The following MACF1 variants were observed in gnomAD, a reference collection of about 807,000 sequenced individuals.
MACF1 encodes the protein microtubule-actin cross-linking factor 1.
A neutral mutation model predicts 854.8 loss-of-function variants in MACF1; 193 were observed. The ratio of observed to expected loss-of-function variants is 0.23; its 90% CI spans 0.20 to 0.25. The LOEUF (loss-of-function observed/expected upper bound fraction) is 0.25. Ranked by LOEUF, MACF1 falls within the 10% of genes least tolerant of loss-of-function variation. The probability of loss-of-function intolerance (pLI) is 1.00; values close to 1 mark genes in which losing one functional copy is unlikely to be tolerated. For missense variants in MACF1, 7,722 were observed against 8,929.1 expected (o/e 0.86, Z 5.45); for synonymous variants, 3,185 against 3,226.7 (o/e 0.99, Z 0.44).
At position 39,361,695 on chromosome 1, in the gene MACF1, A is replaced by G. The variant is rs761512723; in HGVS notation, c.12771+18A>G. 2 of 1,611,744 alleles carry G rather than the reference A, an allele frequency of 1.2e-6. No homozygotes were observed. Among genetic ancestry groups the G allele is most frequent in the Non-Finnish European group, 1.7e-6 (2 of 1,178,310 alleles). ...AGATCCAGGTGAGGATATATCTGCCATGTTAGCAGAATAAAGGGAAGAGAA... is the reference window on the plus strand; with the variant it reads ...AGATCCAGGTGAGGATATATCTGCCGTGTTAGCAGAATAAAGGGAAGAGAA... On this transcript the variant is annotated intron_variant, in intron 49 of 100. Transcript: ENST00000564288.
intron 2 of MACF1, among the ~76,000 whole-genome samples, chr1:39,102,095 G>C (rs1642096516): frequency 1.3e-5 from 2 of 151,116 alleles, no homozygotes; most frequent in South Asian, 4.2e-4. Context: ...AGAATGGCGT[G>C]AACCCCGGGG....
In MACF1 at chr1:39,336,203, A is replaced by G. The variant is rs150737592; in HGVS notation, c.9615A>G (p.Ser3205=). ...AAGAAGTCAGGTATCTAGAATTCTC[A>G]GACAGAAAAGACCTTCATCATCAGG... ...DSKEVRYLEF[S]DRKDLHHQGS... The change falls in exon 37 of 101, where the codon TCA becomes TCG. Residue 3205 remains serine (S), a synonymous_variant. Transcript: ENST00000564288. 1.3e-4 allele frequency: 212 copies of G among 1,613,974 alleles called. No individual in the cohort carries two copies. Among genetic ancestry groups the G allele is most frequent in the Non-Finnish European group, 1.7e-4 (197 of 1,179,988 alleles).
Position 39,485,713 on chromosome 1 carries a change from G to T in MACF1, c.22587G>T (p.Gly7529=). ...AAGGQGNSRR[G]LNKPSKIPTM... Reference sequence around the variant, plus strand: ...GGGGCCAAGGCAACTCCAGGAGAGGGCTAAACAAACCTTCCAAAATCCCAA... The same window carrying T: ...GGGGCCAAGGCAACTCCAGGAGAGGTCTAAACAAACCTTCCAAAATCCCAA... The change falls in exon 101 of 101, where the codon GGG becomes GGT. Residue 7529 remains glycine (G), a synonymous_variant. Coordinates refer to ENST00000564288, the MANE Select transcript of MACF1 (RefSeq NM_001394062.1). 1.2e-6 allele frequency: 2 copies of T among 1,613,920 alleles called. No homozygotes were observed.
chr1:39,392,673 T>G (rs1642080505), intron 58 of MACF1, among the ~76,000 whole-genome samples: 1 of 152,196 alleles, frequency 6.6e-6, no homozygotes, highest in South Asian at 2.1e-4. Flanking sequence ...CAGTCTTACT[T>G]GGGACTGTAC....
chr1:39,315,417 G>A (rs1489006387), intron 26 of MACF1, 96 bp from the exon 27 acceptor site: 3 of 1,076,030 alleles, frequency 2.8e-6, no homozygotes, highest in Non-Finnish European at 4.1e-6. Context: ...GGGCATTTAG[G>A]TGGTTTCCAA....
intron 89 of MACF1, among the ~76,000 whole-genome samples, chr1:39,456,535 T>C (rs28572328): frequency 6.6e-6 from 1 of 152,226 alleles, no homozygotes; most frequent in Admixed American, 6.5e-5. Flanking sequence ...AGCTTAACGA[T>C]GGGTTTGCCA....
chr1:39,395,866 G>C (rs1316070109), intron 58 of MACF1, among the ~76,000 whole-genome samples: 1 of 152,162 alleles, frequency 6.6e-6, no homozygotes, highest in Non-Finnish European at 1.5e-5. Context: ...ATTGCCAGTT[G>C]TATTTTAAAT....
intron 2 of MACF1, among the ~76,000 whole-genome samples, chr1:39,115,245 C>G (rs1404925130): frequency 6.6e-6 from 1 of 152,044 alleles, no homozygotes; most frequent in African/African-American, 2.4e-5. Context: ...TAGTGGCAGA[C>G]AAGTTAGGAA....
intron 20 of MACF1, 35 bp downstream of exon 20, chr1:39,295,917 C>T (rs1248899996): frequency 6.5e-7 from 1 of 1,547,480 alleles, no homozygotes; most frequent in South Asian, 1.2e-5. Context: ...TGTGTGTGTA[C>T]ATATGTATGT....
rs1641626956 is a variant in MACF1 at position 39,084,777 on chromosome 1, A to C, written c.220+339A>C. Among the ~76,000 whole-genome samples the C allele has an allele frequency of 6.6e-6, 1 of 152,130 alleles. No individual in the cohort carries two copies. The stretch of plus-strand genomic sequence containing the variant: ...CTCTTTTCAGTTAATCTTATATTAA[A>C]AAGATTTTCCATATTGCACTTTAGA... On this transcript the variant is annotated intron_variant, in intron 2 of 93. Transcript: ENST00000361689. The surrounding 1 kb of genome is among the most constrained non-coding windows in gnomAD (Gnocchi z 5.2).
chr1:39,115,013 G>T (rs1011350077), intron 2 of MACF1, among the ~76,000 whole-genome samples: 1 of 152,194 alleles, frequency 6.6e-6, no homozygotes, highest in South Asian at 2.1e-4. Flanking sequence ...TGGAGCATAG[G>T]ATGTGAGGGA....
chr1:39,119,903 A>T (rs1219582018), intron 2 of MACF1, among the ~76,000 whole-genome samples: 1 of 106,006 alleles, frequency 9.4e-6, no homozygotes, highest in Non-Finnish European at 1.8e-5. Flanking sequence ...TTTTTGAGAC[A>T]GAGTTTTGCT....
chr1:39,469,513 C>CT lies in MACF1; in HGVS notation c.21890-33dup, dbSNP rs1196850297. The CT allele has an allele frequency of 1.5e-5, 23 of 1,493,644 alleles. No homozygotes were observed. The Admixed American group carries it at 3.5e-4, about 23-fold the overall frequency. The allele number at this position is 1,493,644 out of a possible 1,614,324, so 92.5% of individuals were successfully genotyped here. A position where few individuals can be genotyped will look rare whatever the true frequency, so the allele number is the denominator to read the frequency against. On this transcript the variant is annotated intron_variant, in intron 96 of 100. Coordinates refer to ENST00000564288, the MANE Select transcript of MACF1 (RefSeq NM_001394062.1). The stretch of plus-strand genomic sequence containing the variant: ...CTAGTTTCTGCGTTTCCTGCCCTGT[C>CT]TGTTTCTTTCTGTTTACGTATTTTT...
At chr1:39,440,765 A>G (rs767008871) in intron 72 of MACF1, among the ~76,000 whole-genome samples, 2 of 152,174 alleles carry the variant, frequency 1.3e-5, no homozygotes, top group Admixed American at 6.5e-5. Flanking sequence ...TTGGTAAATT[A>G]TTGAACCTCA....
rs138633723 is a variant in MACF1 at position 39,113,466 on chromosome 1, G to T, written c.220+29028G>T. On this transcript the variant is annotated intron_variant, in intron 2 of 93. Coordinates refer to the MACF1 transcript ENST00000361689. Reference sequence around the variant, plus strand: ...TGAATAAAAATCACTATGGAAATTTGCCATGGTAAGAGGGAATCCAACAGT... The same window carrying T: ...TGAATAAAAATCACTATGGAAATTTTCCATGGTAAGAGGGAATCCAACAGT... 2.3e-3 allele frequency among the ~76,000 whole-genome samples: 348 copies of T among 152,246 alleles called. 2 individuals are homozygous for T. The highest frequency in any genetic ancestry group is 8.0e-3 in the African/African-American group (334 of 41,538).
At chr1:39,362,045 A>G (rs770669152) in intron 49 of MACF1, among the ~76,000 whole-genome samples, 2 of 152,214 alleles carry the variant, frequency 1.3e-5, no homozygotes, top group Non-Finnish European at 2.9e-5. Context: ...AGCACTTTCC[A>G]CAAAACCACC....
chr1:39,201,515 G>T (rs948979349), upstream of MACF1, among the ~76,000 whole-genome samples: 3 of 152,106 alleles, frequency 2.0e-5, no homozygotes, highest in Non-Finnish European at 4.4e-5. Flanking sequence ...ACCACGCCCG[G>T]CTTATTTTTA....
At position 39,285,239 on chromosome 1, in the gene MACF1, C is replaced by T. The variant is rs78535908; in HGVS notation, c.1259+29C>T. 7 of 1,614,130 alleles carry T rather than the reference C, an allele frequency of 4.3e-6. No individual in the cohort carries two copies. The East Asian group carries it at 1.1e-4, about 26-fold the overall frequency. ...GGTCCAGATCCTGAGAGTGGTCTGA[C>T]ATTATTTATTGAGCTGCTGTGAACC... is the stretch of plus-strand genomic sequence containing the variant. On this transcript the variant is annotated intron_variant, in intron 12 of 100. Transcript: ENST00000564288.
chr1:39,289,693 C>CTTT (rs58188740), intron 15 of MACF1, among the ~76,000 whole-genome samples: 2,444 of 28,864 alleles, frequency 0.085, 944 homozygotes, highest in East Asian at 0.14. Context: ...GTGGGTTGTC[C>CTTT]TTTTTTTTTT....
Sources: gnomAD v4.1 joint callset for allele counts (sites outside exome capture counted in the v4.1 genomes callset) on GRCh38, gnomAD v4.1.1 for gene constraint, Gnocchi (gnomAD v3.1) non-coding constraint, MANE v1.5 for transcripts, NCBI Gene and HGNC (gene_info 2026-07-23, HGNC 2026-07-21) for gene names.